KRIT1: variants seen among roughly 807,000 people sequenced by gnomAD.
KRIT1 encodes KRIT1 ankyrin repeat containing, also known as krev interaction trapped protein 1.
In KRIT1, 45 loss-of-function variants were observed where a neutral mutation model predicts 95.8. The observed-to-expected ratio is 0.47, with a 90% CI of 0.37 to 0.60. KRIT1 has a LOEUF of 0.60. Ranked by LOEUF, KRIT1 falls within the 20% of genes least tolerant of loss-of-function variation. The probability of loss-of-function intolerance (pLI) is 0.00; values close to 1 mark genes in which losing one functional copy is unlikely to be tolerated. For missense variants in KRIT1, 788 were observed against 877.5 expected (o/e 0.90, Z 1.29); for synonymous variants, 282 against 278.8 (o/e 1.01, Z -0.11).
At chr7:92,201,469 C>G (rs373055435) in intron 17 of KRIT1, 46 bp from the exon 18 acceptor site, 20 of 918,636 alleles carry the variant, frequency 2.2e-5, no homozygotes, top group Non-Finnish European at 3.5e-5. Context: ...ATATTAAAAA[C>G]TTCACCTATT....
intron 17 of KRIT1, among the ~76,000 whole-genome samples, chr7:92,208,926 T>C (rs1028163056): frequency 6.6e-6 from 1 of 151,824 alleles, no homozygotes; most frequent in Non-Finnish European, 1.5e-5. Flanking sequence ...CTGAAAAACA[T>C]AGATGCAAAA....
chr7:92,232,851 A>G (rs1168572826), intron 10 of KRIT1, among the ~76,000 whole-genome samples: 1 of 151,792 alleles, frequency 6.6e-6, no homozygotes, highest in African/African-American at 2.4e-5. Context: ...CCGCCACCAC[A>G]CCCGGCTAAT....
chr7:92,237,746 T>C lies in KRIT1; in HGVS notation c.276A>G (p.Val92=), dbSNP rs573853526. 1.9e-6 allele frequency: 3 copies of C among 1,582,676 alleles called. No homozygotes were observed. Among genetic ancestry groups the C allele is most frequent in the African/African-American group, 2.7e-5 (2 of 74,428 alleles). The change falls in exon 6 of 19, where the codon GTA becomes GTG. Residue 92 remains valine, a synonymous_variant. Transcript: ENST00000394505. ...ANQGIRGKRV[V]LMKKFPLDGE... ...CATCCAGAGGAAATTTTTTCATTAG[T>C]ACAACTCGTTTTCCTAATCATTTTT...
chr7:92,220,845 C>T (rs1370226163), intron 14 of KRIT1, among the ~76,000 whole-genome samples: 2 of 151,812 alleles, frequency 1.3e-5, no homozygotes, highest in Non-Finnish European at 2.9e-5. Context: ...AGGCGCCCAC[C>T]ACCATGCCTA....
At chr7:92,238,315 A>C (rs766634017) in intron 5 of KRIT1, among the ~76,000 whole-genome samples, 14 of 152,204 alleles carry the variant, frequency 9.2e-5, no homozygotes, top group Non-Finnish European at 1.9e-4. Context: ...TTGTATTCTA[A>C]AACCCCTCAT....
At chr7:92,219,663 C>T (rs115980507) in intron 14 of KRIT1, among the ~76,000 whole-genome samples, 232 of 152,226 alleles carry the variant, frequency 1.5e-3, no homozygotes, top group African/African-American at 5.5e-3. Context: ...GTCTGTTCCA[C>T]TTTCACAAAA....
intron 14 of KRIT1, among the ~76,000 whole-genome samples, chr7:92,217,593 T>C (rs1219949225): frequency 6.6e-6 from 1 of 152,242 alleles, no homozygotes; most frequent in Non-Finnish European, 1.5e-5. Context: ...ACATGTATCA[T>C]AACTTCATTC....
intron 9 of KRIT1, 66 bp from the exon 10 acceptor site, chr7:92,234,658 G>T: frequency 1.4e-6 from 2 of 1,416,192 alleles, no homozygotes; most frequent in Non-Finnish European, 2.0e-6. Context: ...AAAGAAATGT[G>T]ACACATCTAT....
At chr7:92,244,636 C>G (rs375506007) in intron 2 of KRIT1, among the ~76,000 whole-genome samples, 11 of 152,234 alleles carry the variant, frequency 7.2e-5, no homozygotes, top group African/African-American at 2.4e-4. Flanking sequence ...GAAGGTAAAA[C>G]TGCTAAGGGA....
At position 92,200,375 on chromosome 7, in the gene KRIT1, G is replaced by C. The variant is rs886062489; in HGVS notation, c.*361C>G. The C allele has an allele frequency of 2.8e-4, 57 of 203,886 alleles. No individual in the cohort carries two copies. The highest frequency in any genetic ancestry group is 7.7e-4 in the South Asian group (10 of 12,956). 12.6% of individuals were successfully genotyped at this position (203,886 alleles called of 1,614,324 possible). Reference sequence around the variant, plus strand: ...GAAAGTAATTTTTTTTTTTTTTTGAGATGGAGTCTTGCTGTGTCACCCAGG... The same window carrying C: ...GAAAGTAATTTTTTTTTTTTTTTGACATGGAGTCTTGCTGTGTCACCCAGG... On this transcript the variant is annotated 3_prime_UTR_variant, in exon 19 of 19. Coordinates refer to ENST00000394505, the MANE Select transcript of KRIT1 (RefSeq NM_194454.3).
chr7:92,229,776 C>A (rs1170680068), intron 10 of KRIT1, among the ~76,000 whole-genome samples: 1 of 152,218 alleles, frequency 6.6e-6, no homozygotes, highest in Non-Finnish European at 1.5e-5. Context: ...ATCCACACCT[C>A]TTCTCTATCA....
chr7:92,240,870 T>C (rs776026952), intron 5 of KRIT1, 123 bp downstream of exon 5: 24 of 816,614 alleles, frequency 2.9e-5, no homozygotes, highest in Non-Finnish European at 4.2e-5. Context: ...TTGAGTTTTT[T>C]TGCAAGTTTG....
Position 92,235,545 on chromosome 7 carries a change from G to C in KRIT1, c.587C>G (p.Ala196Gly), listed in dbSNP as rs549707288. 91 of 1,613,810 alleles carry C rather than the reference G, an allele frequency of 5.6e-5. No individual in the cohort carries two copies. The East Asian group carries it at 1.1e-3, about 19-fold the overall frequency. ...GTTTTCTGTCTGACCTGATTCAGTA[G>C]CATATGCAGGATTTATGACATTAGT... ...IKTNVINPAY[A>G]TESGQTENSL... Residue 196 changes from alanine (A) to glycine (G), a missense_variant, in exon 8 of 19, where the codon GCT (alanine) becomes GGT (glycine). Ala to Gly is a moderately conservative substitution (Grantham distance 60). Around this residue, in one of 3 missense-constraint regions of KRIT1, gnomAD observed 289 missense variants for 277.5 expected, o/e 1.04. Transcript: ENST00000394505.
intron 14 of KRIT1, among the ~76,000 whole-genome samples, chr7:92,217,771 A>G (rs976366799): frequency 1.3e-5 from 2 of 152,178 alleles, no homozygotes; most frequent in African/African-American, 4.8e-5. Context: ...TTTCAGGCAT[A>G]TATCTAGGAG....
rs1358610518 is a variant in KRIT1 at position 92,200,623 on chromosome 7, A to G, written c.*113T>C. The G allele has an allele frequency of 1.7e-5, 13 of 749,726 alleles. No individual in the cohort carries two copies. Among genetic ancestry groups the G allele is most frequent in the Middle Eastern group, 2.8e-4 (1 of 3,608 alleles). The allele number at this position is 749,726 out of a possible 1,614,324, so 46.4% of individuals were successfully genotyped here. On this transcript the variant is annotated 3_prime_UTR_variant, in exon 19 of 19. Transcript: ENST00000394505. ...TGCCCCAGCCTCCCAAAGTGCTGGA[A>G]TTACAGGGGTGAGCCACCATGCTCG...
rs757214090 is a variant in KRIT1 at position 92,240,979 on chromosome 7, A to T, written c.262+14T>A. ...ATTTTAAACAATGTGTTTTTTAAAA[A>T]AGAAGTTTCCTACCTCTGATACCCT... On this transcript the variant is annotated intron_variant, in intron 5 of 18. Transcript: ENST00000394505. 33 of 1,594,098 alleles carry T rather than the reference A, an allele frequency of 2.1e-5. No homozygotes were observed. In the South Asian group the frequency reaches 3.5e-4, roughly 17 times the overall value.
intron 12 of KRIT1, among the ~76,000 whole-genome samples, chr7:92,225,480 G>C (rs1441703784): frequency 1.3e-5 from 2 of 151,942 alleles, no homozygotes; most frequent in Admixed American, 6.6e-5. Flanking sequence ...GCTGATTTTT[G>C]TATTTTTCAT....
chr7:92,240,347 G>C (rs1799357635), intron 5 of KRIT1, among the ~76,000 whole-genome samples: 1 of 152,134 alleles, frequency 6.6e-6, no homozygotes, highest in Non-Finnish European at 1.5e-5. Flanking sequence ...AGAGAGGTAT[G>C]CTTTACTTCA....
At chr7:92,214,026 G>A (rs1174951137) in intron 15 of KRIT1, 47 bp from the exon 16 acceptor site, 1 of 1,104,042 alleles carries the variant, frequency 9.1e-7, no homozygotes, top group African/African-American at 1.5e-5. Context: ...ATCTTTAGTA[G>A]CTAAAGTATA....
Sources: allele counts gnomAD v4.1 joint callset (sites outside exome capture counted in the v4.1 genomes callset), GRCh38; gene constraint gnomAD v4.1.1; regional missense constraint gnomAD v4.1.1; transcripts MANE v1.5; gene names NCBI Gene and HGNC (gene_info 2026-07-23, HGNC 2026-07-21).